The following GPM6A variants were observed in gnomAD, a reference collection of about 807,000 sequenced individuals.
The protein encoded by GPM6A is neuronal membrane glycoprotein M6-a.
A neutral mutation model predicts 32.1 loss-of-function variants in GPM6A; 7 were observed. The observed-to-expected ratio is 0.22, with a 90% confidence interval of 0.12 to 0.41. GPM6A has a LOEUF of 0.41. GPM6A is among the 10% of genes least tolerant of loss of function. The pLI is 1.00. For synonymous variants in GPM6A, 130 were observed against 123.4 expected (o/e 1.05, Z -0.35); for missense variants, 235 against 347.2 (o/e 0.68, Z 2.57).
intron 2 of GPM6A, among the ~76,000 whole-genome samples, chr4:175,685,657 A>G (rs1281899905): frequency 6.6e-6 from 1 of 152,168 alleles, no homozygotes; most frequent in Non-Finnish European, 1.5e-5. Flanking sequence ...GCCAATTATC[A>G]TGTTTTCTGT....
intron 1 of GPM6A, among the ~76,000 whole-genome samples, chr4:175,741,274 T>C (rs895388700): frequency 2.6e-5 from 4 of 152,060 alleles, no homozygotes; most frequent in Admixed American, 2.6e-4. Context: ...AGGCTCTGTT[T>C]ATTTGAATTT....
Position 175,668,079 on chromosome 4 carries a change from C to T in GPM6A, c.387+5601G>A, listed in dbSNP as rs77916226. Among the ~76,000 whole-genome samples the T allele has an allele frequency of 9.6e-3, 1,467 of 152,132 alleles. 20 individuals are homozygous for T. The highest frequency in any genetic ancestry group is 0.033 in the African/African-American group (1,365 of 41,492). On this transcript the variant is annotated intron_variant, in intron 3 of 6. Coordinates refer to ENST00000393658, the MANE Select transcript of GPM6A (RefSeq NM_201591.3). ...ACAGTTTTCTATTTTATCAATGCCA[C>T]CTTATGAGACTAGCAGAAAATTTCT...
chr4:175,953,506 T>A (rs1190143291), intron 1 of GPM6A, among the ~76,000 whole-genome samples: 1 of 152,228 alleles, frequency 6.6e-6, no homozygotes, highest in East Asian at 1.9e-4. Context: ...TATTTGCATG[T>A]CATTATTTTT....
At chr4:175,886,536 T>TACG (rs1456355631) in intron 1 of GPM6A, among the ~76,000 whole-genome samples, 2 of 152,154 alleles carry the variant, frequency 1.3e-5, no homozygotes, top group African/African-American at 4.8e-5. Flanking sequence ...AAGGTCCTTC[T>TACG]ACGGTCCAGA....
At chr4:175,908,272 C>T (rs996833309) in intron 1 of GPM6A, among the ~76,000 whole-genome samples, 1 of 152,102 alleles carries the variant, frequency 6.6e-6, no homozygotes, top group Non-Finnish European at 1.5e-5. Flanking sequence ...ACCACTCATA[C>T]ACAAATCCCA....
intron 4 of GPM6A, 24 bp downstream of exon 4, chr4:175,651,810 T>A (rs1362790631): frequency 6.3e-7 from 1 of 1,596,806 alleles, no homozygotes; most frequent in Non-Finnish European, 8.6e-7. Flanking sequence ...TGTTTTACAG[T>A]TTAGAGATCC....
intron 1 of GPM6A, among the ~76,000 whole-genome samples, chr4:175,702,850 CTCTTT>C (rs1744955763): frequency 6.6e-6 from 1 of 152,122 alleles, no homozygotes; most frequent in Non-Finnish European, 1.5e-5. Flanking sequence ...TTATTTTTGA[CTCTTT>C]TGACTTCAGT....
intron 1 of GPM6A, among the ~76,000 whole-genome samples, chr4:175,990,038 G>A (rs1741089584): frequency 6.6e-6 from 1 of 151,976 alleles, no homozygotes; most frequent in Non-Finnish European, 1.5e-5. Context: ...TTAATAACAC[G>A]GGTTTTGATA....
intron 2 of GPM6A, among the ~76,000 whole-genome samples, chr4:175,682,547 C>T (rs1743746286): frequency 6.6e-6 from 1 of 152,180 alleles, no homozygotes; most frequent in South Asian, 2.1e-4. Context: ...GTGGTAGCCT[C>T]TCCCATCACA....
intron 1 of GPM6A, among the ~76,000 whole-genome samples, chr4:175,843,705 C>T (rs61207458): frequency 0.06 from 9,182 of 152,126 alleles, 895 homozygotes; most frequent in African/African-American, 0.21. Flanking sequence ...GTACAAGGGT[C>T]CCACATTTTC....
intron 1 of GPM6A, among the ~76,000 whole-genome samples, chr4:175,899,884 TA>T (rs200925029): frequency 0.032 from 4,927 of 152,000 alleles, 267 homozygotes; most frequent in African/African-American, 0.11. Context: ...CACATCAAGT[TA>T]AAAAGCTTCT....
intron 1 of GPM6A, among the ~76,000 whole-genome samples, chr4:175,860,430 C>T (rs911884731): frequency 6.6e-6 from 1 of 151,946 alleles, no homozygotes; most frequent in African/African-American, 2.4e-5. Flanking sequence ...TCTATGCCCT[C>T]AAAGTTGATA....
Position 175,973,869 on chromosome 4 carries a change from T to C in GPM6A, c.-23+28440A>G, listed in dbSNP as rs1740580612. On this transcript the variant is annotated intron_variant, in intron 1 of 7. Transcript: ENST00000280187. ...ATCATATGATGCTTTATGCTGACTTTTTTTTCACCAGCTTTTATTGCTTCA... is the reference window on the plus strand; with the variant it reads ...ATCATATGATGCTTTATGCTGACTTCTTTTTCACCAGCTTTTATTGCTTCA... Among the ~76,000 whole-genome samples, 4 of 152,246 alleles carry C rather than the reference T, an allele frequency of 2.6e-5. No homozygotes were observed. In the South Asian group the frequency reaches 8.3e-4, roughly 32 times the overall value.
chr4:175,894,789 A>C (rs542574798), intron 1 of GPM6A, among the ~76,000 whole-genome samples: 1 of 150,652 alleles, frequency 6.6e-6, no homozygotes, highest in African/African-American at 2.4e-5. Flanking sequence ...AGGAAAACTC[A>C]TACACAAAAT....
intron 2 of GPM6A, among the ~76,000 whole-genome samples, chr4:175,686,750 C>T (rs1448451965): frequency 6.6e-6 from 1 of 152,212 alleles, no homozygotes; most frequent in Non-Finnish European, 1.5e-5. Context: ...TTATGGCAGT[C>T]ACAGTGAACT....
At chr4:175,838,610 T>G (rs80182558) in intron 1 of GPM6A, among the ~76,000 whole-genome samples, 7,407 of 150,754 alleles carry the variant, frequency 0.049, 242 homozygotes, top group East Asian at 0.11. Context: ...GAAAACTTTA[T>G]GTGAACAAAG....
At chr4:175,882,351 A>T (rs1193554874) in intron 1 of GPM6A, among the ~76,000 whole-genome samples, 1 of 152,030 alleles carries the variant, frequency 6.6e-6, no homozygotes, top group African/African-American at 2.4e-5. Context: ...AAATTATTTT[A>T]TGCTGTTGGA....
At chr4:175,659,206 T>TA (rs1398142178) in intron 3 of GPM6A, among the ~76,000 whole-genome samples, 1 of 151,686 alleles carries the variant, frequency 6.6e-6, no homozygotes, top group Non-Finnish European at 1.5e-5. Flanking sequence ...CCTCAGCCTC[T>TA]AGAGTAGCTG....
intron 1 of GPM6A, among the ~76,000 whole-genome samples, chr4:175,991,784 T>C (rs543697580): frequency 8.6e-4 from 131 of 152,248 alleles, no homozygotes; most frequent in African/African-American, 3.0e-3. Flanking sequence ...CATGCCCTGA[T>C]ATTTCTTTAA....
Sources: allele counts gnomAD v4.1 joint callset (sites outside exome capture counted in the v4.1 genomes callset), GRCh38; gene constraint gnomAD v4.1.1; transcripts MANE v1.5; gene names NCBI Gene and HGNC (gene_info 2026-07-23, HGNC 2026-07-21).